PARG: variants seen among roughly 807,000 people sequenced by gnomAD.
PARG encodes poly(ADP-ribose) glycohydrolase.
PARG carries 35 observed loss-of-function variants against 113.0 expected under a neutral mutation model. The observed-to-expected ratio is 0.31, with a 90% CI of 0.24 to 0.41. The LOEUF is 0.41. PARG is among the 10% of genes least tolerant of loss of function. The probability of loss-of-function intolerance (pLI) is 1.00; values close to 1 mark genes in which losing one functional copy is unlikely to be tolerated. For synonymous variants in PARG, 330 were observed against 409.9 expected (o/e 0.81, Z 2.36); for missense variants, 797 against 1,169.4 (o/e 0.68, Z 4.64).
chr10:49,894,060 G>A (rs1847950434), intron 7 of PARG, among the ~76,000 whole-genome samples: 2 of 151,594 alleles, frequency 1.3e-5, no homozygotes, highest in Admixed American at 1.3e-4. Flanking sequence ...GAACTCCTGG[G>A]CTCAAGCAAT....
intron 9 of PARG, among the ~76,000 whole-genome samples, chr10:49,879,022 A>G (rs1847091730): frequency 6.6e-6 from 1 of 152,236 alleles, no homozygotes; most frequent in South Asian, 2.1e-4. Context: ...TGTAGAAGAT[A>G]GAGAAAGCAG....
At chr10:49,940,728 A>G (rs1839001121) in intron 1 of PARG, among the ~76,000 whole-genome samples, 1 of 152,066 alleles carries the variant, frequency 6.6e-6, no homozygotes, top group African/African-American at 2.4e-5. Context: ...GGGTTTCACC[A>G]TATTGGTAAG....
chr10:49,839,101 C>T (rs1229495418), intron 15 of PARG, among the ~76,000 whole-genome samples: 3 of 152,016 alleles, frequency 2.0e-5, no homozygotes, highest in African/African-American at 7.2e-5. Context: ...TTTTGGGAGG[C>T]CGAGATGGGC....
At chr10:49,940,123 T>C (rs1178786219) in intron 1 of PARG, among the ~76,000 whole-genome samples, 20 of 152,156 alleles carry the variant, frequency 1.3e-4, no homozygotes, top group African/African-American at 4.8e-4. Flanking sequence ...CCCAATCTAC[T>C]TCTCCAGCAC....
intron 6 of PARG, among the ~76,000 whole-genome samples, chr10:49,916,501 T>A (rs1389721467): frequency 6.8e-6 from 1 of 146,598 alleles, no homozygotes; most frequent in African/African-American, 2.4e-5. Context: ...TTAAAAACTG[T>A]CTTTTTTCCT....
At chr10:49,823,855 G>T (rs899344195) in intron 16 of PARG, among the ~76,000 whole-genome samples, 4 of 151,854 alleles carry the variant, frequency 2.6e-5, no homozygotes, top group African/African-American at 9.7e-5. Context: ...TCTCTTTATA[G>T]AATTTATTTT....
Position 49,922,584 on chromosome 10 carries a change from G to A in PARG, c.1541C>T (p.Pro514Leu). 1.2e-6 allele frequency: 2 copies of A among 1,610,532 alleles called. No homozygotes were observed. The highest frequency in any genetic ancestry group is 1.7e-6 in the Non-Finnish European group (2 of 1,179,362). ...DLWDNKHVKM[P>L]CSEQNLYPVE... ...TGGGTACAAATTTTGTTCTGAACAAGGCATTTTAACATGCTTGTTATCCCA... is the reference window on the plus strand; with the variant it reads ...TGGGTACAAATTTTGTTCTGAACAAAGCATTTTAACATGCTTGTTATCCCA... The change falls in exon 5 of 18, where the codon CCT (proline) becomes CTT (leucine). Residue 514 changes from proline (P) to leucine (L), a missense_variant. Around this residue, in one of 5 missense-constraint regions of PARG, gnomAD observed 252 missense variants for 437.4 expected, o/e 0.58. Coordinates refer to ENST00000616448, the MANE Select transcript of PARG (RefSeq NM_003631.5).
At chr10:49,883,306 T>G (rs2132641879) in intron 8 of PARG, among the ~76,000 whole-genome samples, 1 of 151,860 alleles carries the variant, frequency 6.6e-6, no homozygotes, top group South Asian at 2.1e-4. Context: ...TCCACCCAAA[T>G]GTCCATAGGG....
At chr10:49,907,056 G>A (rs1415910425) in intron 7 of PARG, among the ~76,000 whole-genome samples, 1 of 151,984 alleles carries the variant, frequency 6.6e-6, no homozygotes, top group Non-Finnish European at 1.5e-5. Context: ...AGGCTTCTCA[G>A]GACTGAGGCA....
intron 11 of PARG, among the ~76,000 whole-genome samples, chr10:49,862,513 G>A (rs1362327913): frequency 6.6e-5 from 10 of 151,798 alleles, no homozygotes; most frequent in African/African-American, 2.4e-4. Context: ...GTTTCAATGA[G>A]TTTAAATACA....
At chr10:49,917,488 C>CAAA (rs71026277) in intron 6 of PARG, among the ~76,000 whole-genome samples, 2 of 47,646 alleles carry the variant, frequency 4.2e-5, no homozygotes, top group South Asian at 7.0e-4. Context: ...GACTCCGTCT[C>CAAA]AAAAAAAAAA....
At chr10:49,926,977 T>C (rs1355426482) in intron 4 of PARG, among the ~76,000 whole-genome samples, 2 of 152,024 alleles carry the variant, frequency 1.3e-5, no homozygotes, top group Non-Finnish European at 2.9e-5. Flanking sequence ...ACTGGGTGAG[T>C]GTACTCAGGT....
chr10:49,903,313 G>A (rs1254964484), intron 7 of PARG, among the ~76,000 whole-genome samples: 1 of 152,046 alleles, frequency 6.6e-6, no homozygotes, highest in Admixed American at 6.6e-5. Flanking sequence ...TATAGTAAAG[G>A]TTATGCATAC....
Position 49,832,819 on chromosome 10 carries a change from A to AC in PARG, c.2630dup (p.Asp878Ter). 6 of 1,542,834 alleles carry AC rather than the reference A, an allele frequency of 3.9e-6. No individual in the cohort carries two copies. Among genetic ancestry groups the AC allele is most frequent in the Non-Finnish European group, 4.4e-6 (5 of 1,139,828 alleles). ...ACAACTTACCTTTTAACCTGGCATC[A>AC]CCCCCAAAGGCACCACAGCCCCAGT... On this transcript the variant is annotated frameshift_variant, in exon 16 of 18. Transcript: ENST00000616448. LOFTEE classifies it high-confidence loss of function.
At chr10:49,856,945 G>A (rs1554835139) in intron 13 of PARG, among the ~76,000 whole-genome samples, 1 of 146,468 alleles carries the variant, frequency 6.8e-6, no homozygotes, top group Non-Finnish European at 1.5e-5. Context: ...GGAGGAGGAG[G>A]TTTCGGTGAG....
chr10:49,822,581 C>T (rs910782379), intron 16 of PARG, among the ~76,000 whole-genome samples: 14 of 152,154 alleles, frequency 9.2e-5, no homozygotes, highest in African/African-American at 3.4e-4. Context: ...TAGGAACATC[C>T]TTTCTTTGCA....
At chr10:49,860,811 G>A (rs1846213260) in intron 12 of PARG, among the ~76,000 whole-genome samples, 1 of 151,152 alleles carries the variant, frequency 6.6e-6, no homozygotes, top group African/African-American at 2.4e-5. Flanking sequence ...TGGTATACAA[G>A]CTTCTTTCAA....
In PARG at chr10:49,932,159, G is replaced by T. The variant is rs1554909986; in HGVS notation, c.1396C>A (p.Arg466=). 2.4e-5 allele frequency: 39 copies of T among 1,606,544 alleles called. No homozygotes were observed. The highest frequency in any genetic ancestry group is 8.5e-7 in the Non-Finnish European group (1 of 1,173,138). Residue 466 remains arginine (R), a synonymous_variant, in exon 4 of 18, where the codon CGG becomes AGG. Coordinates refer to ENST00000616448, the MANE Select transcript of PARG (RefSeq NM_003631.5). ...TPIEEMRRMP[R]CGIRLPLLRP... is the part of the protein sequence containing the mutation. ...AAGAGAGGCAGCCGGATCCCACACCGAGGCATTCTTCTCATCTCCTCAATG... is the reference window on the plus strand; with the variant it reads ...AAGAGAGGCAGCCGGATCCCACACCTAGGCATTCTTCTCATCTCCTCAATG...
At chr10:49,880,823 T>C (rs2664598) in intron 8 of PARG, among the ~76,000 whole-genome samples, 10 of 152,182 alleles carry the variant, frequency 6.6e-5, no homozygotes, top group African/African-American at 2.4e-4. Context: ...TAAGACTCAA[T>C]TCCAGCCTGA....
Sources: allele counts gnomAD v4.1 joint callset (sites outside exome capture counted in the v4.1 genomes callset), GRCh38; gene constraint gnomAD v4.1.1; regional missense constraint gnomAD v4.1.1; transcripts MANE v1.5; gene names NCBI Gene and HGNC (gene_info 2026-07-23, HGNC 2026-07-21).